HPS5: variants seen among roughly 807,000 people sequenced by gnomAD.
HPS5 encodes BLOC-2 complex member HPS5.
HPS5 carries 83 observed loss-of-function variants against 128.0 expected under a neutral mutation model. That is an observed-to-expected ratio of 0.65 (90% CI 0.54 to 0.78). HPS5 has a LOEUF of 0.78. HPS5 is among the 30% of genes least tolerant of loss of function. HPS5 has a pLI of 0.00. For missense variants in HPS5, 1,281 were observed against 1,326.2 expected, an observed-to-expected ratio of 0.97 and a Z score of 0.53; for synonymous variants, 475 against 470.2, an observed-to-expected ratio of 1.01 and a Z score of -0.13.
At chr11:18,298,311 G>A (rs1411509991) in intron 10 of HPS5, among the ~76,000 whole-genome samples, 1 of 151,916 alleles carries the variant, frequency 6.6e-6, no homozygotes, top group Non-Finnish European at 1.5e-5. Flanking sequence ...GGCCAACACG[G>A]TGAAACCCCG....
At chr11:18,295,414 CTT>C (rs1306348678) in intron 13 of HPS5, among the ~76,000 whole-genome samples, 1 of 152,212 alleles carries the variant, frequency 6.6e-6, no homozygotes, top group Non-Finnish European at 1.5e-5. Context: ...AAGAAAAGGT[CTT>C]TAACTCCAGC....
At chr11:18,280,509 CAT>C in intron 22 of HPS5, 1 of 688,344 alleles carries the variant, frequency 1.5e-6, no homozygotes, top group Non-Finnish European at 2.6e-6. Flanking sequence ...ATAGAATTAC[CAT>C]ATGATTCCAG....
intron 18 of HPS5, 104 bp from the exon 19 acceptor site, chr11:18,286,814 G>C: frequency 4.3e-6 from 6 of 1,393,944 alleles, no homozygotes; most frequent in Non-Finnish European, 5.9e-6. Flanking sequence ...GAATATAGAA[G>C]AAGAAATAAC....
Position 18,296,821 on chromosome 11 carries a change from C to T in HPS5, c.1487G>A (p.Cys496Tyr). ...SQQEEDLPDQ[C>Y]CGSHGNEDNV... ...ACCTTCATTTCCGTGTGAGCCACAA[C>T]ACTGATCTGGCAGGTCCTCTTCCTG... Residue 496 changes from cysteine (C) to tyrosine (Y), a missense_variant, in exon 12 of 23, where the codon TGT (cysteine) becomes TAT (tyrosine). Cys to Tyr is a radical substitution (Grantham distance 194). Coordinates refer to ENST00000349215, the MANE Select transcript of HPS5 (RefSeq NM_181507.2). 1 of 1,614,156 alleles carries T rather than the reference C, an allele frequency of 6.2e-7. No homozygotes were observed. The highest frequency in any genetic ancestry group is 1.6e-4 in the Middle Eastern group (1 of 6,062).
intron 14 of HPS5, among the ~76,000 whole-genome samples, chr11:18,294,455 G>A (rs979039901): frequency 2.0e-5 from 3 of 152,032 alleles, no homozygotes; most frequent in Admixed American, 6.6e-5. Flanking sequence ...CTAGTCATAC[G>A]CAGAGCCAGG....
In HPS5 at chr11:18,314,027, T is replaced by C. The variant is rs1375286680; in HGVS notation, c.109-2003A>G. Among the ~76,000 whole-genome samples, 6 of 151,400 alleles carry C rather than the reference T, an allele frequency of 4.0e-5. No individual in the cohort carries two copies. The East Asian group carries it at 1.2e-3, about 29-fold the overall frequency. ...GAGTTTGAGACCAGCTACAGCAACA[T>C]AATGAAACCCTATCTCTAAAAAATA... On this transcript the variant is annotated intron_variant, in intron 2 of 22. Coordinates refer to ENST00000349215, the MANE Select transcript of HPS5 (RefSeq NM_181507.2).
rs769387417 is a variant in HPS5 at position 18,319,859 on chromosome 11, G to C, written c.-49-1952C>G. On this transcript the variant is annotated intron_variant, in intron 1 of 22. Coordinates refer to ENST00000349215, the MANE Select transcript of HPS5 (RefSeq NM_181507.2). ...AGACTCTTCAACAGATTTGTAGGTA[G>C]TAGCTAAAAGTAGAGTCTAGAACGA... Among the ~76,000 whole-genome samples, 9 of 152,154 alleles carry C rather than the reference G, an allele frequency of 5.9e-5. 1 individual carries two copies. Among genetic ancestry groups the C allele is most frequent in the Non-Finnish European group, 1.3e-4 (9 of 68,010 alleles).
intron 20 of HPS5, among the ~76,000 whole-genome samples, chr11:18,284,727 AAAG>A (rs1859468559): frequency 6.6e-6 from 1 of 152,256 alleles, no homozygotes; most frequent in Non-Finnish European, 1.5e-5. Context: ...TTATGAGGGA[AAAG>A]AAAGACACAA....
chr11:18,287,634 G>C lies in HPS5; in HGVS notation c.2618C>G (p.Ser873Cys), dbSNP rs1296919459. The change falls in exon 18 of 23, where the codon TCC (serine) becomes TGC (cysteine). Residue 873 changes from serine (S) to cysteine (C), a missense_variant. By Grantham distance (112) the Ser-to-Cys change is moderately radical (BLOSUM62 -1). Coordinates refer to ENST00000349215, the MANE Select transcript of HPS5 (RefSeq NM_181507.2). ...TTGTATGATATCCGATGGCAAAATG[G>C]ATGGAAAGAACTTGATTAAGGATCG... is the stretch of plus-strand genomic sequence containing the variant. ...ALRSLIKFFP[S>C]ILPSDIIQLC... is the part of the protein sequence containing the mutation. The C allele has an allele frequency of 6.2e-7, 1 of 1,614,044 alleles. No individual in the cohort carries two copies. Among genetic ancestry groups the C allele is most frequent in the Non-Finnish European group, 8.5e-7 (1 of 1,180,030 alleles).
chr11:18,316,674 G>C (rs1418619228), intron 2 of HPS5, among the ~76,000 whole-genome samples: 2 of 152,226 alleles, frequency 1.3e-5, no homozygotes, highest in Non-Finnish European at 1.5e-5. Flanking sequence ...TTTGGGCCAA[G>C]GTTGAGGATG....
Position 18,291,799 on chromosome 11 carries a change from A to G in HPS5, c.2083T>C (p.Ser695Pro), listed in dbSNP as rs1435217185. Reference sequence around the variant, plus strand: ...TCAACAGATTCTTCATTGCCTAAAGAGTCCCTTTTTTCTTTTTCATTATCT... The same window carrying G: ...TCAACAGATTCTTCATTGCCTAAAGGGTCCCTTTTTTCTTTTTCATTATCT... Reference protein sequence around the residue: ...DEDNEKEKRDSLGNEESVDKT... With the variant: ...DEDNEKEKRDPLGNEESVDKT... The change falls in exon 16 of 23, where the codon TCT becomes CCT. Residue 695 changes from serine to proline, a missense_variant. Transcript: ENST00000349215. 1 of 1,613,628 alleles carries G rather than the reference A, an allele frequency of 6.2e-7. No homozygotes were observed. The highest frequency in any genetic ancestry group is 1.1e-5 in the South Asian group (1 of 90,970).
chr11:18,315,891 C>A (rs1863567652), intron 2 of HPS5, among the ~76,000 whole-genome samples: 1 of 152,162 alleles, frequency 6.6e-6, no homozygotes, highest in African/African-American at 2.4e-5. Context: ...TAGGTCTATT[C>A]ATTCTCCATA....
intron 16 of HPS5, among the ~76,000 whole-genome samples, chr11:18,289,428 CTCTT>C (rs1554931295): frequency 6.6e-5 from 10 of 152,296 alleles, no homozygotes; most frequent in Non-Finnish European, 2.9e-5. Context: ...CTGATGGAGA[CTCTT>C]TTCTGCTCTT....
intron 12 of HPS5, 102 bp from the exon 13 acceptor site, chr11:18,296,224 G>C: frequency 1.1e-5 from 13 of 1,220,768 alleles, no homozygotes; most frequent in Non-Finnish European, 1.5e-5. Flanking sequence ...AAGAAATGAA[G>C]GATTCAATAC....
intron 6 of HPS5, among the ~76,000 whole-genome samples, chr11:18,306,992 C>G (rs942402258): frequency 3.6e-5 from 5 of 140,202 alleles, no homozygotes; most frequent in Non-Finnish European, 1.5e-5. Context: ...ATCATTCCTC[C>G]TCAGAAACTT....
intron 8 of HPS5, among the ~76,000 whole-genome samples, chr11:18,303,337 A>G (rs1225144853): frequency 6.6e-6 from 1 of 152,206 alleles, no homozygotes; most frequent in African/African-American, 2.4e-5. Context: ...GACAGTGGCA[A>G]TGATAAAGGA....
At chr11:18,281,668 T>C (rs1025885707) in intron 22 of HPS5, among the ~76,000 whole-genome samples, 1 of 152,068 alleles carries the variant, frequency 6.6e-6, no homozygotes, top group Non-Finnish European at 1.5e-5. Context: ...CCTCACAAAG[T>C]GCAAGGATTA....
At position 18,311,010 on chromosome 11, in the gene HPS5, A is replaced by G. The variant is rs1430609098; in HGVS notation, c.285-77T>C. ...ATTTTGTTGCATCACAGTATCAACT[A>G]TATCAAATACATATGCAACTCTTGT... On this transcript the variant is annotated intron_variant, in intron 4 of 22. Coordinates refer to ENST00000349215, the MANE Select transcript of HPS5 (RefSeq NM_181507.2). The G allele has an allele frequency of 1.5e-5, 15 of 995,580 alleles. 1 individual carries two copies. Among genetic ancestry groups the G allele is most frequent in the South Asian group, 6.5e-5 (5 of 77,458 alleles). The allele number at this position is 995,580 out of a possible 1,614,324, so 61.7% of individuals were successfully genotyped here.
chr11:18,285,488 A>C (rs768516391), intron 19 of HPS5, 29 bp from the exon 20 acceptor site: 1 of 1,429,726 alleles, frequency 7.0e-7, no homozygotes, highest in Non-Finnish European at 9.9e-7. Flanking sequence ...TCAGTAAATT[A>C]GATAGGAAAT....
Sources: gnomAD v4.1 joint callset for allele counts (sites outside exome capture counted in the v4.1 genomes callset) on GRCh38, gnomAD v4.1.1 for gene constraint, MANE v1.5 for transcripts, NCBI Gene and HGNC (gene_info 2026-07-23, HGNC 2026-07-21) for gene names.